The following HPSE2 variants were observed in gnomAD, a reference collection of about 807,000 sequenced individuals.
HPSE2 encodes the protein heparanase 2 (inactive).
A neutral mutation model predicts 60.5 loss-of-function variants in HPSE2; 38 were observed. The observed-to-expected ratio is 0.63, with a 90% CI of 0.48 to 0.82. The LOEUF is 0.82. Among genes scored for constraint, HPSE2 ranks in the 40% least tolerant of loss-of-function variants. The probability of loss-of-function intolerance (pLI) is 0.00; values close to 1 mark genes in which losing one functional copy is unlikely to be tolerated. For synonymous variants in HPSE2, 295 were observed against 293.2 expected (o/e 1.01, Z -0.06); for missense variants, 713 against 740.4 (o/e 0.96, Z 0.43).
At chr10:98,724,879 C>T (rs11189779) in intron 4 of HPSE2, among the ~76,000 whole-genome samples, 22,146 of 151,932 alleles carry the variant, frequency 0.15, 1,950 homozygotes, top group Admixed American at 0.23. Flanking sequence ...GAGTGAACTC[C>T]CATTCACAAT....
At chr10:99,212,651 T>G (rs1848989392) in intron 2 of HPSE2, among the ~76,000 whole-genome samples, 1 of 152,024 alleles carries the variant, frequency 6.6e-6, no homozygotes, top group Non-Finnish European at 1.5e-5. Context: ...GAGGGTTGGT[T>G]TGGGAGATAT....
intron 3 of HPSE2, among the ~76,000 whole-genome samples, chr10:99,032,597 C>A (rs1354159098): frequency 6.6e-6 from 1 of 152,154 alleles, no homozygotes; most frequent in African/African-American, 2.4e-5. Context: ...TTTCAGTTTT[C>A]TATTGCTGCT....
intron 9 of HPSE2, among the ~76,000 whole-genome samples, chr10:98,609,084 A>T (rs899039316): frequency 5.9e-5 from 9 of 152,136 alleles, no homozygotes; most frequent in African/African-American, 1.9e-4. Flanking sequence ...CCCAGACCCC[A>T]AACTCTTCTT....
chr10:99,182,716 G>A (rs1847822911), intron 2 of HPSE2, among the ~76,000 whole-genome samples: 1 of 152,050 alleles, frequency 6.6e-6, no homozygotes, highest in Admixed American at 6.6e-5. Context: ...CTAAAAAACA[G>A]GCCAGGCACA....
chr10:99,233,096 T>C (rs1849719766), intron 1 of HPSE2, among the ~76,000 whole-genome samples: 1 of 152,248 alleles, frequency 6.6e-6, no homozygotes. Context: ...GAGTTGATTT[T>C]CCTTTTTCAC....
chr10:99,308,939 TTTA>T, the HPSE2 span, among the ~76,000 whole-genome samples: 85 of 152,358 alleles, frequency 5.6e-4, no homozygotes, highest in African/African-American at 2.0e-3. Flanking sequence ...GTTCTTGTAT[TTTA>T]TTTTCACATT....
intron 11 of HPSE2, among the ~76,000 whole-genome samples, chr10:98,476,216 C>T (rs1278105992): frequency 4.0e-5 from 6 of 148,976 alleles, no homozygotes; most frequent in African/African-American, 1.0e-4. Flanking sequence ...AGTAAACTAA[C>T]ACAAGGACAA....
intron 9 of HPSE2, among the ~76,000 whole-genome samples, chr10:98,516,437 C>A (rs1347355107): frequency 6.6e-6 from 1 of 152,122 alleles, no homozygotes; most frequent in African/African-American, 2.4e-5. Flanking sequence ...AAATAAAAAA[C>A]GTTGCCAGAA....
intron 3 of HPSE2, among the ~76,000 whole-genome samples, chr10:98,848,680 C>T (rs1012558053): frequency 6.6e-6 from 1 of 152,114 alleles, no homozygotes. Context: ...TGAGTGAGAG[C>T]GCCCAGGACC....
chr10:98,724,284 T>A (rs1428977435), intron 4 of HPSE2, among the ~76,000 whole-genome samples: 1 of 152,106 alleles, frequency 6.6e-6, no homozygotes, highest in Non-Finnish European at 1.5e-5. Flanking sequence ...TTTGAGTGAG[T>A]TTCTTAATCC....
intron 3 of HPSE2, among the ~76,000 whole-genome samples, chr10:99,007,985 A>G (rs1177923312): frequency 6.6e-6 from 1 of 152,206 alleles, no homozygotes; most frequent in East Asian, 1.9e-4. Context: ...CAAGAAAAAG[A>G]GAAGCACTTT....
chr10:99,008,961 T>A (rs764123943), intron 3 of HPSE2, among the ~76,000 whole-genome samples: 18 of 152,264 alleles, frequency 1.2e-4, no homozygotes, highest in South Asian at 4.1e-4. Flanking sequence ...GAAACCACTT[T>A]CATAACTTCA....
At chr10:98,468,553 A>G (rs1478018940) in intron 11 of HPSE2, among the ~76,000 whole-genome samples, 3 of 152,030 alleles carry the variant, frequency 2.0e-5, no homozygotes, top group Non-Finnish European at 2.9e-5. Flanking sequence ...AGAGCGGCAC[A>G]TTATCTGCAT....
chr10:98,759,466 T>C (rs1279424176), intron 3 of HPSE2, among the ~76,000 whole-genome samples: 2 of 152,176 alleles, frequency 1.3e-5, no homozygotes, highest in Non-Finnish European at 2.9e-5. Flanking sequence ...AATTAAATTT[T>C]GCATATGGTG....
At chr10:98,537,678 C>T (rs1236637006) in intron 9 of HPSE2, among the ~76,000 whole-genome samples, 2 of 152,164 alleles carry the variant, frequency 1.3e-5, no homozygotes, top group African/African-American at 4.8e-5. Context: ...GCGGTAACGC[C>T]AGTGTCTGGG....
chr10:99,084,858 G>A (rs1843265821), intron 3 of HPSE2, among the ~76,000 whole-genome samples: 3 of 152,288 alleles, frequency 2.0e-5, no homozygotes, highest in African/African-American at 7.2e-5. Flanking sequence ...CTGACACACA[G>A]AAGGTACATT....
chr10:98,915,020 C>A (rs1954079025), intron 3 of HPSE2, among the ~76,000 whole-genome samples: 1 of 151,896 alleles, frequency 6.6e-6, no homozygotes, highest in Non-Finnish European at 1.5e-5. Context: ...AAAAAAACCA[C>A]TGGAAGGAAA....
chr10:98,756,643 G>A (rs1244029686), intron 3 of HPSE2, among the ~76,000 whole-genome samples: 1 of 152,002 alleles, frequency 6.6e-6, no homozygotes, highest in Non-Finnish European at 1.5e-5. Context: ...ACCCTGAACA[G>A]ACCAATAACA....
At chr10:99,285,452 T>C in the HPSE2 span, among the ~76,000 whole-genome samples, 1 of 95,716 alleles carries the variant, frequency 1.0e-5, no homozygotes. Context: ...GAAATGCAAA[T>C]GAAAGAAAGG....
Sources: allele counts gnomAD v4.1 joint callset (sites outside exome capture counted in the v4.1 genomes callset), GRCh38; gene constraint gnomAD v4.1.1; transcripts MANE v1.5; gene names NCBI Gene and HGNC (gene_info 2026-07-23, HGNC 2026-07-21).